Variants in SLC35F4 observed in about 807,000 individuals in gnomAD.
The protein encoded by SLC35F4 is solute carrier family 35 member F4.
A neutral mutation model predicts 44.2 loss-of-function variants in SLC35F4; 24 were observed. That is an observed-to-expected ratio of 0.54 (90% confidence interval 0.39 to 0.76). SLC35F4 has a LOEUF of 0.76. Ranked by LOEUF, SLC35F4 falls within the 30% of genes least tolerant of loss-of-function variation. The pLI is 0.00. For missense variants in SLC35F4, 562 were observed against 586.1 expected (o/e 0.96, Z 0.42); for synonymous variants, 238 against 223.6 (o/e 1.06, Z -0.57).
chr14:57,648,697 G>A (rs144457132), intron 1 of SLC35F4, among the ~76,000 whole-genome samples: 50 of 152,280 alleles, frequency 3.3e-4, no homozygotes, highest in African/African-American at 1.0e-3. Flanking sequence ...TTTAAGAAGT[G>A]TGTACAAAGC....
intron 1 of SLC35F4, among the ~76,000 whole-genome samples, chr14:57,839,015 AAATT>A (rs1231812639): frequency 6.6e-6 from 1 of 152,190 alleles, no homozygotes; most frequent in Non-Finnish European, 1.5e-5. Context: ...TATGTCATAT[AAATT>A]AATTCTCAGA....
intron 1 of SLC35F4, among the ~76,000 whole-genome samples, chr14:57,737,428 C>A (rs2076494286): frequency 6.6e-6 from 1 of 152,092 alleles, no homozygotes; most frequent in Non-Finnish European, 1.5e-5. Context: ...AGTATATAAG[C>A]TTGCCATCAT....
chr14:57,829,485 T>C lies in SLC35F4; in HGVS notation c.103+36238A>G, dbSNP rs1884124137. 2.0e-5 allele frequency among the ~76,000 whole-genome samples: 3 copies of C among 152,128 alleles called. No homozygotes were observed. The South Asian group carries it at 6.2e-4, about 31-fold the overall frequency. On this transcript the variant is annotated intron_variant, in intron 1 of 7. Coordinates refer to ENST00000556826, the MANE Select transcript of SLC35F4 (RefSeq NM_001306087.2). ...GTTCCCTCAGTGACAGAATACAAGC[T>C]GAAAGAGTTGTACAAAGCAGGTCTA...
Position 57,705,882 on chromosome 14 carries a change from A to C in SLC35F4, c.104-111758T>G, listed in dbSNP as rs185229768. On this transcript the variant is annotated intron_variant, in intron 1 of 7. Coordinates refer to ENST00000556826, the MANE Select transcript of SLC35F4 (RefSeq NM_001306087.2). ...CTCGAAGTTAGTTTTTTTTCTCCCT[A>C]ACTAGAGGTTAGAAGAGTTGTCTTC... Among the ~76,000 whole-genome samples, 11 of 152,150 alleles carry C rather than the reference A, an allele frequency of 7.2e-5. 1 individual carries two copies. In the East Asian group the frequency reaches 2.1e-3, roughly 29 times the overall value.
At chr14:57,910,341 T>C (rs1002014948) in intron 1 of SLC35F4, among the ~76,000 whole-genome samples, 9 of 152,112 alleles carry the variant, frequency 5.9e-5, no homozygotes, top group Non-Finnish European at 8.8e-5. Context: ...TCATGTATCA[T>C]ACCTATGGTG....
chr14:57,937,542 A>AGAAG (rs570327045), intron 1 of SLC35F4, among the ~76,000 whole-genome samples: 10 of 150,812 alleles, frequency 6.6e-5, no homozygotes, highest in Non-Finnish European at 1.0e-4. Context: ...AATGATGGTC[A>AGAAG]GAAGGAAGGA....
chr14:57,828,774 G>A (rs937708824), intron 1 of SLC35F4, among the ~76,000 whole-genome samples: 2 of 152,288 alleles, frequency 1.3e-5, no homozygotes, highest in African/African-American at 4.8e-5. Flanking sequence ...TGGGCAACCC[G>A]AGGTCTGCCA....
chr14:57,624,869 G>A (rs2072392939), intron 1 of SLC35F4, among the ~76,000 whole-genome samples: 1 of 152,106 alleles, frequency 6.6e-6, no homozygotes, highest in Non-Finnish European at 1.5e-5. Flanking sequence ...GTAAAAGCTG[G>A]AAGCATTCCC....
At chr14:57,888,890 A>G (rs1888705106) in intron 1 of SLC35F4, among the ~76,000 whole-genome samples, 1 of 152,230 alleles carries the variant, frequency 6.6e-6, no homozygotes, top group Non-Finnish European at 1.5e-5. Context: ...TTGAAAATAT[A>G]CCAAATATAA....
At chr14:57,581,471 T>C (rs775750770) in intron 3 of SLC35F4, 38 bp from the exon 4 acceptor site, 1 of 1,544,868 alleles carries the variant, frequency 6.5e-7, no homozygotes, top group Non-Finnish European at 8.8e-7. Flanking sequence ...CAGGTACTGA[T>C]GGTGACACCT....
At chr14:57,617,739 C>A (rs1179905601) in intron 1 of SLC35F4, among the ~76,000 whole-genome samples, 2 of 152,096 alleles carry the variant, frequency 1.3e-5, no homozygotes, top group African/African-American at 4.8e-5. Context: ...TTTAACCAGG[C>A]TGGGGGCTCA....
At chr14:57,685,417 G>A (rs572155046) in intron 1 of SLC35F4, among the ~76,000 whole-genome samples, 2 of 152,218 alleles carry the variant, frequency 1.3e-5, no homozygotes, top group Non-Finnish European at 2.9e-5. Flanking sequence ...AATTAAGGAG[G>A]GCCCTAATCC....
At chr14:57,891,122 G>A (rs1888754169) in intron 1 of SLC35F4, among the ~76,000 whole-genome samples, 1 of 152,084 alleles carries the variant, frequency 6.6e-6, no homozygotes, top group Admixed American at 6.6e-5. Flanking sequence ...TTGATGAGGT[G>A]AAAAATGCCA....
intron 1 of SLC35F4, among the ~76,000 whole-genome samples, chr14:57,887,543 T>G (rs1051868908): frequency 9.3e-4 from 141 of 152,308 alleles, no homozygotes; most frequent in Non-Finnish European, 3.7e-4. Context: ...GCAACCTTCC[T>G]TTGAGTGACG....
At chr14:57,736,124 G>T (rs1010357753) in intron 1 of SLC35F4, among the ~76,000 whole-genome samples, 2 of 152,154 alleles carry the variant, frequency 1.3e-5, no homozygotes, top group African/African-American at 4.8e-5. Flanking sequence ...TTTAAATAAT[G>T]GTGTGGAATA....
intron 1 of SLC35F4, among the ~76,000 whole-genome samples, chr14:57,713,489 C>A (rs1186086067): frequency 6.6e-6 from 1 of 152,192 alleles, no homozygotes; most frequent in East Asian, 1.9e-4. Context: ...CTAGTTCACA[C>A]CTTTACACCA....
At chr14:57,778,443 T>G (rs930413311) in intron 1 of SLC35F4, among the ~76,000 whole-genome samples, 9 of 152,072 alleles carry the variant, frequency 5.9e-5, no homozygotes, top group Non-Finnish European at 1.2e-4. Context: ...ATCCTAAATA[T>G]ATATGCGCCC....
chr14:57,676,797 C>G (rs1286306681), intron 1 of SLC35F4, among the ~76,000 whole-genome samples: 5 of 152,028 alleles, frequency 3.3e-5, no homozygotes, highest in African/African-American at 1.2e-4. Context: ...AAAGAGAACA[C>G]TTTTACACTG....
intron 1 of SLC35F4, among the ~76,000 whole-genome samples, chr14:57,914,092 G>A (rs1438635142): frequency 1.3e-5 from 2 of 152,138 alleles, no homozygotes; most frequent in South Asian, 4.1e-4. Flanking sequence ...TCTGTTTTAT[G>A]CTGCTATGAG....
Sources: allele counts gnomAD v4.1 joint callset (sites outside exome capture counted in the v4.1 genomes callset), GRCh38; gene constraint gnomAD v4.1.1; transcripts MANE v1.5; gene names NCBI Gene and HGNC (gene_info 2026-07-23, HGNC 2026-07-21).